The following XKR6 variants were observed in gnomAD, a reference collection of about 807,000 sequenced individuals.
XKR6 encodes XK related 6, also known as XK-related protein 6.
A neutral mutation model predicts 56.7 loss-of-function variants in XKR6; 22 were observed. The ratio of observed to expected loss-of-function variants is 0.39; its 90% CI spans 0.28 to 0.55. The LOEUF is 0.55. XKR6 is among the 20% of genes least tolerant of loss of function. XKR6 has a pLI of 0.66. For missense variants in XKR6, 852 were observed against 889.0 expected, an observed-to-expected ratio of 0.96 and a Z score of 0.53; for synonymous variants, 524 against 387.8, an observed-to-expected ratio of 1.35 and a Z score of -4.13.
intron 1 of XKR6, among the ~76,000 whole-genome samples, chr8:11,186,105 T>A (rs1426792077): frequency 2.0e-5 from 3 of 152,160 alleles, no homozygotes; most frequent in Non-Finnish European, 4.4e-5. Flanking sequence ...AATCAAAGTT[T>A]TAAAGGGAAA....
chr8:11,185,483 G>A (rs1190445538), intron 1 of XKR6, among the ~76,000 whole-genome samples: 1 of 152,096 alleles, frequency 6.6e-6, no homozygotes, highest in African/African-American at 2.4e-5. Flanking sequence ...TTACTGTATG[G>A]GGTTTTAGAG....
Position 11,200,611 on chromosome 8 carries a change from C to T in XKR6, c.729G>A (p.Ser243=). The part of the protein sequence containing the change: ...LCRLSVWIWQ[S]VIHLLQMGQV... The stretch of plus-strand genomic sequence containing the variant: ...GCCCCATCTGCAGCAGGTGGATGAC[C>T]GACTGCCAGATCCACACGGAGAGGC... The change falls in exon 1 of 3, where the codon TCG becomes TCA. Residue 243 remains serine (S), a synonymous_variant. Transcript: ENST00000416569. The surrounding 1 kb of genome is among the most constrained non-coding windows in gnomAD (Gnocchi z 6.4). 1 of 1,544,980 alleles carries T rather than the reference C, an allele frequency of 6.5e-7. No homozygotes were observed. The highest frequency in any genetic ancestry group is 1.2e-5 in the South Asian group (1 of 80,820).
At chr8:10,912,002 T>TAGAG (rs1194923642) in intron 2 of XKR6, among the ~76,000 whole-genome samples, 5 of 148,654 alleles carry the variant, frequency 3.4e-5, no homozygotes. Context: ...TATATATATA[T>TAGAG]ATAGAGAGAG....
intron 1 of XKR6, among the ~76,000 whole-genome samples, chr8:10,960,068 C>A (rs957371958): frequency 2.4e-4 from 37 of 152,144 alleles, no homozygotes; most frequent in African/African-American, 8.7e-4. Flanking sequence ...TAATCCTGGC[C>A]CTGTCCATGA....
chr8:11,183,846 T>C (rs1303602778), intron 1 of XKR6, among the ~76,000 whole-genome samples: 1 of 152,094 alleles, frequency 6.6e-6, no homozygotes, highest in East Asian at 1.9e-4. Context: ...AAACACAGCA[T>C]AAGGGTTATA....
intron 1 of XKR6, among the ~76,000 whole-genome samples, chr8:10,976,689 G>A (rs1339787074): frequency 6.6e-6 from 1 of 152,150 alleles, no homozygotes; most frequent in Non-Finnish European, 1.5e-5. Flanking sequence ...ATTTCTGGAT[G>A]AATGGATGTC....
At chr8:11,185,240 T>A (rs1803210339) in intron 1 of XKR6, among the ~76,000 whole-genome samples, 1 of 152,330 alleles carries the variant, frequency 6.6e-6, no homozygotes, top group South Asian at 2.1e-4. Context: ...AAGAATTATC[T>A]CACGTTGCAT....
At chr8:11,095,254 T>C (rs1032669051) in intron 1 of XKR6, among the ~76,000 whole-genome samples, 3 of 152,236 alleles carry the variant, frequency 2.0e-5, no homozygotes, top group East Asian at 1.9e-4. Context: ...AGGTCAACCC[T>C]CCATCTCAAA....
intron 1 of XKR6, among the ~76,000 whole-genome samples, chr8:11,005,387 T>C (rs1798343934): frequency 6.6e-6 from 1 of 152,020 alleles, no homozygotes; most frequent in Non-Finnish European, 1.5e-5. Context: ...TATATACATA[T>C]CTCCAATGGA....
intron 1 of XKR6, among the ~76,000 whole-genome samples, chr8:10,962,447 C>T (rs879327329): frequency 2.0e-5 from 3 of 152,124 alleles, no homozygotes; most frequent in East Asian, 1.9e-4. Flanking sequence ...TCCTTCTTCC[C>T]GGGGCTGCAG....
At chr8:10,947,349 C>T (rs1801583718) in intron 1 of XKR6, among the ~76,000 whole-genome samples, 1 of 152,128 alleles carries the variant, frequency 6.6e-6, no homozygotes, top group African/African-American at 2.4e-5. Context: ...GCCAGGAGCC[C>T]ATGTGCGTGT....
intron 1 of XKR6, among the ~76,000 whole-genome samples, chr8:11,099,952 C>A (rs1265155970): frequency 1.3e-5 from 2 of 152,176 alleles, no homozygotes; most frequent in African/African-American, 2.4e-5. Flanking sequence ...GCAGCAAATG[C>A]AAGGGCCCTG....
intron 1 of XKR6, among the ~76,000 whole-genome samples, chr8:11,196,268 T>G (rs930625424): frequency 3.9e-5 from 6 of 152,202 alleles, no homozygotes; most frequent in Non-Finnish European, 7.3e-5. Context: ...CACTTCAGAA[T>G]TAAACAGAAT....
intron 1 of XKR6, among the ~76,000 whole-genome samples, chr8:11,102,649 G>C (rs1338231482): frequency 6.6e-6 from 1 of 152,190 alleles, no homozygotes; most frequent in African/African-American, 2.4e-5. Context: ...CAGTGTAAGT[G>C]TGCTAAAACA....
chr8:11,117,489 G>A (rs995556224), intron 1 of XKR6, among the ~76,000 whole-genome samples: 2 of 152,148 alleles, frequency 1.3e-5, no homozygotes, highest in African/African-American at 4.8e-5. Context: ...TGGAGACAGC[G>A]GCTGGCCATT....
At chr8:11,050,590 G>A (rs929166242) in intron 1 of XKR6, among the ~76,000 whole-genome samples, 1 of 151,104 alleles carries the variant, frequency 6.6e-6, no homozygotes, top group African/African-American at 2.4e-5. Flanking sequence ...AAAAAAAAGA[G>A]AGAGAGAACC....
intron 1 of XKR6, among the ~76,000 whole-genome samples, chr8:11,011,348 T>C (rs896959473): frequency 6.6e-6 from 1 of 152,210 alleles, no homozygotes; most frequent in African/African-American, 2.4e-5. Context: ...GGTGGCATCC[T>C]GCTCTGCAGT....
At position 11,187,473 on chromosome 8, in the gene XKR6, C is replaced by A. The variant is rs1472778104; in HGVS notation, c.764+13103G>T. Among the ~76,000 whole-genome samples, 4 of 152,194 alleles carry A rather than the reference C, an allele frequency of 2.6e-5. No individual in the cohort carries two copies. In the East Asian group the frequency reaches 7.7e-4, roughly 29 times the overall value. On this transcript the variant is annotated intron_variant, in intron 1 of 2. Coordinates refer to ENST00000416569, the MANE Select transcript of XKR6 (RefSeq NM_173683.4). ...CATGTCTCCGGGACATGGATTCCTT[C>A]CCACATGACTGGCAAAATGGGAATG...
At chr8:10,945,258 C>A (rs1025829750) in intron 1 of XKR6, among the ~76,000 whole-genome samples, 1 of 152,136 alleles carries the variant, frequency 6.6e-6, no homozygotes, top group East Asian at 1.9e-4. Context: ...CCAAGGCAGG[C>A]GGATCACACG....
Sources: gnomAD v4.1 joint callset for allele counts (sites outside exome capture counted in the v4.1 genomes callset) on GRCh38, gnomAD v4.1.1 for gene constraint, Gnocchi (gnomAD v3.1) non-coding constraint, MANE v1.5 for transcripts, NCBI Gene and HGNC (gene_info 2026-07-23, HGNC 2026-07-21) for gene names.